Variants in FOXO3 observed in about 807,000 individuals in gnomAD.
The protein encoded by FOXO3 is forkhead box protein O3.
FOXO3 carries 4 observed loss-of-function variants against 41.9 expected under a neutral mutation model. The observed-to-expected ratio is 0.10, with a 90% CI of 0.05 to 0.22. The LOEUF (loss-of-function observed/expected upper bound fraction) is 0.22, where lower values mean the gene tolerates loss of function less well. Ranked by LOEUF, FOXO3 falls within the 10% of genes least tolerant of loss-of-function variation. The pLI is 1.00. For missense variants in FOXO3, 534 were observed against 906.8 expected, an observed-to-expected ratio of 0.59 and a Z score of 5.28; for synonymous variants, 318 against 389.3, an observed-to-expected ratio of 0.82 and a Z score of 2.16.
intron 1 of FOXO3, among the ~76,000 whole-genome samples, chr6:108,567,177 C>T (rs1775969840): frequency 6.6e-6 from 1 of 152,168 alleles, no homozygotes; most frequent in African/African-American, 2.4e-5. Flanking sequence ...TCTAGTACTT[C>T]AACTCTGCTA....
chr6:108,569,943 G>A (rs1447279463), intron 1 of FOXO3, among the ~76,000 whole-genome samples: 1 of 150,846 alleles, frequency 6.6e-6, no homozygotes, highest in African/African-American at 2.4e-5. Context: ...CCATTAGGGG[G>A]TGGGGTGGGG....
chr6:108,589,069 T>C (rs1469493544), intron 1 of FOXO3, among the ~76,000 whole-genome samples: 2 of 152,170 alleles, frequency 1.3e-5, no homozygotes, highest in African/African-American at 4.8e-5. Flanking sequence ...ATGGAGAAGT[T>C]TGATGCAAAT....
intron 1 of FOXO3, among the ~76,000 whole-genome samples, chr6:108,649,879 G>A (rs1562257805): frequency 1.3e-5 from 2 of 152,188 alleles, no homozygotes; most frequent in East Asian, 3.9e-4. Context: ...ACCTGAAAAT[G>A]GCTCAGAAAC....
At chr6:108,568,491 A>C (rs1776006909) in intron 1 of FOXO3, among the ~76,000 whole-genome samples, 1 of 152,024 alleles carries the variant, frequency 6.6e-6, no homozygotes, top group African/African-American at 2.4e-5. Flanking sequence ...CATGGCTGCT[A>C]CCTGTTTATT....
intron 1 of FOXO3, among the ~76,000 whole-genome samples, chr6:108,644,999 G>A (rs546569184): frequency 6.6e-6 from 1 of 152,280 alleles, no homozygotes; most frequent in East Asian, 1.9e-4. Context: ...CCTGGTGCAT[G>A]GAAGGACCTC....
At chr6:108,564,053 A>T (rs1193972995) in intron 1 of FOXO3, among the ~76,000 whole-genome samples, 1 of 152,158 alleles carries the variant, frequency 6.6e-6, no homozygotes, top group Non-Finnish European at 1.5e-5. Context: ...AATATGCTTA[A>T]TACAGGGCAC....
intron 1 of FOXO3, among the ~76,000 whole-genome samples, chr6:108,568,271 C>T (rs1776001621): frequency 6.6e-6 from 1 of 151,136 alleles, no homozygotes; most frequent in Admixed American, 6.6e-5. Flanking sequence ...GTGTCTACTG[C>T]CTACCATTGT....
intron 1 of FOXO3, among the ~76,000 whole-genome samples, chr6:108,595,354 A>C (rs1266452569): frequency 6.6e-6 from 1 of 152,220 alleles, no homozygotes; most frequent in Non-Finnish European, 1.5e-5. Context: ...TCTTCAGCTT[A>C]AGCTAAATTT....
intron 1 of FOXO3, among the ~76,000 whole-genome samples, chr6:108,607,462 AAAAG>A (rs1777240356): frequency 1.3e-5 from 2 of 151,892 alleles, no homozygotes; most frequent in Non-Finnish European, 1.5e-5. Context: ...AAAAAAAAAA[AAAAG>A]AAGAAGGAGT....
chr6:108,669,661 G>A (rs746179781), intron 2 of FOXO3, among the ~76,000 whole-genome samples: 25 of 152,168 alleles, frequency 1.6e-4, no homozygotes, highest in Middle Eastern at 6.3e-3. Context: ...GTCGATGAGC[G>A]CGAGAGAAAA....
intron 1 of FOXO3, among the ~76,000 whole-genome samples, chr6:108,636,840 C>A (rs1778134093): frequency 1.3e-5 from 2 of 152,172 alleles, no homozygotes; most frequent in Non-Finnish European, 2.9e-5. Context: ...TGATTTGCAT[C>A]CCTGGAAGAA....
In FOXO3 at chr6:108,566,847, A is replaced by T. The variant is rs76269615; in HGVS notation, c.621+5018A>T. On this transcript the variant is annotated intron_variant, in intron 1 of 2. Transcript: ENST00000406360. ...GCTGGGGATCATAAATGCAAAGACG[A>T]GTTGATATCAGTGGATGTTACAGCT... Among the ~76,000 whole-genome samples the T allele has an allele frequency of 6.6e-3, 1,009 of 152,352 alleles. 15 individuals are homozygous for T. Among genetic ancestry groups the T allele is most frequent in the African/African-American group, 0.023 (971 of 41,578 alleles).
At chr6:108,589,209 G>A (rs1299685751) in intron 1 of FOXO3, among the ~76,000 whole-genome samples, 1 of 152,192 alleles carries the variant, frequency 6.6e-6, no homozygotes, top group African/African-American at 2.4e-5. Context: ...AAAAATCTAA[G>A]TGGTAGAGAG....
intron 1 of FOXO3, 46 bp downstream of exon 1, chr6:108,561,875 G>A: frequency 1.3e-6 from 2 of 1,497,966 alleles, no homozygotes; most frequent in Non-Finnish European, 1.8e-6. Flanking sequence ...CGGGCCTCCT[G>A]CGCAGCGCGA....
At chr6:108,629,577 A>G (rs1582795029) in intron 1 of FOXO3, among the ~76,000 whole-genome samples, 1 of 152,168 alleles carries the variant, frequency 6.6e-6, no homozygotes, top group Non-Finnish European at 1.5e-5. Flanking sequence ...CTTTTCAGAA[A>G]GGATTAGGAG....
chr6:108,598,632 T>A (rs1776958946), intron 1 of FOXO3, among the ~76,000 whole-genome samples: 1 of 152,108 alleles, frequency 6.6e-6, no homozygotes, highest in African/African-American at 2.4e-5. Context: ...CAGATTTTGT[T>A]GTGGGGAGGG....
intron 1 of FOXO3, among the ~76,000 whole-genome samples, chr6:108,618,704 G>C (rs908760917): frequency 1.3e-5 from 2 of 152,162 alleles, no homozygotes; most frequent in African/African-American, 4.8e-5. Flanking sequence ...TGAACTGTAG[G>C]ACTTCTTAGG....
chr6:108,566,663 C>G (rs1386083690), intron 1 of FOXO3, among the ~76,000 whole-genome samples: 2 of 152,078 alleles, frequency 1.3e-5, no homozygotes, highest in East Asian at 3.9e-4. Context: ...ATTCCCAGGG[C>G]TGGAGAGAAT....
intron 1 of FOXO3, among the ~76,000 whole-genome samples, chr6:108,594,929 A>G (rs1043726155): frequency 6.6e-6 from 1 of 152,196 alleles, no homozygotes; most frequent in African/African-American, 2.4e-5. Flanking sequence ...TGCTTATGCA[A>G]CCTTTTCAGC....
Sources: gnomAD v4.1 joint callset for allele counts (sites outside exome capture counted in the v4.1 genomes callset) on GRCh38, gnomAD v4.1.1 for gene constraint, MANE v1.5 for transcripts, NCBI Gene and HGNC (gene_info 2026-07-23, HGNC 2026-07-21) for gene names.